Variants in PDGFC observed in about 807,000 individuals in gnomAD.
The protein encoded by PDGFC is platelet derived growth factor C.
A neutral mutation model predicts 35.5 loss-of-function variants in PDGFC; 12 were observed. The ratio of observed to expected loss-of-function variants is 0.34; its 90% CI spans 0.22 to 0.55. The LOEUF (loss-of-function observed/expected upper bound fraction) is 0.55. PDGFC is among the 20% of genes least tolerant of loss of function. The pLI is 0.91. For synonymous variants in PDGFC, 159 were observed against 148.8 expected, an observed-to-expected ratio of 1.07 and a Z score of -0.50; for missense variants, 322 against 412.4, an observed-to-expected ratio of 0.78 and a Z score of 1.90.
intron 2 of PDGFC, among the ~76,000 whole-genome samples, chr4:156,834,347 T>G (rs1729013412): frequency 6.6e-6 from 1 of 152,156 alleles, no homozygotes; most frequent in African/African-American, 2.4e-5. Flanking sequence ...CAAAGTACAC[T>G]AAGATAACAT....
intron 1 of PDGFC, among the ~76,000 whole-genome samples, chr4:156,895,431 A>G (rs1417747839): frequency 2.0e-5 from 3 of 152,072 alleles, no homozygotes; most frequent in East Asian, 1.9e-4. Context: ...TCAGGAGTTC[A>G]AGATCAGCCT....
intron 1 of PDGFC, among the ~76,000 whole-genome samples, chr4:156,930,301 A>C (rs1372793230): frequency 6.6e-6 from 1 of 152,216 alleles, no homozygotes; most frequent in African/African-American, 2.4e-5. Flanking sequence ...GAGCATGTGC[A>C]AAATCAGGCA....
intron 1 of PDGFC, among the ~76,000 whole-genome samples, chr4:156,895,624 T>C (rs1730615994): frequency 6.6e-6 from 1 of 150,394 alleles, no homozygotes; most frequent in Non-Finnish European, 1.5e-5. Flanking sequence ...AGAGCAAGAC[T>C]CTGTCTCAGA....
At chr4:156,909,083 T>C (rs1288597665) in intron 1 of PDGFC, among the ~76,000 whole-genome samples, 1 of 152,174 alleles carries the variant, frequency 6.6e-6, no homozygotes, top group Non-Finnish European at 1.5e-5. Flanking sequence ...TATGGGGGAA[T>C]AAATACCAGC....
At position 156,874,422 on chromosome 4, in the gene PDGFC, C is replaced by T. The variant is rs150257644; in HGVS notation, c.119-24006G>A. Among the ~76,000 whole-genome samples the T allele has an allele frequency of 3.0e-3, 450 of 152,118 alleles. 3 individuals carry two copies. The highest frequency in any genetic ancestry group is 0.01 in the African/African-American group (434 of 41,522). On this transcript the variant is annotated intron_variant, in intron 1 of 5. Transcript: ENST00000502773. The stretch of plus-strand genomic sequence containing the variant: ...CAACTTAAGCCTCTCCTTTGAGAGG[C>T]TTAAGTATAAAGTGATTTCTAAGAT...
chr4:156,871,062 T>G (rs1473941914), intron 1 of PDGFC, among the ~76,000 whole-genome samples: 1 of 152,072 alleles, frequency 6.6e-6, no homozygotes, highest in East Asian at 1.9e-4. Flanking sequence ...TAGAGTCTGG[T>G]GCAGGAAAAA....
intron 1 of PDGFC, among the ~76,000 whole-genome samples, chr4:156,969,218 C>A (rs1353147596): frequency 6.6e-6 from 1 of 152,178 alleles, no homozygotes; most frequent in Non-Finnish European, 1.5e-5. Context: ...ATATTTTGAA[C>A]TGGACATTTA....
At chr4:156,878,863 A>G (rs1206026026) in intron 1 of PDGFC, among the ~76,000 whole-genome samples, 2 of 152,180 alleles carry the variant, frequency 1.3e-5, no homozygotes, top group Non-Finnish European at 2.9e-5. Context: ...TTTAGAGAAC[A>G]ATGACTTTTA....
Position 156,889,717 on chromosome 4 carries a change from G to A in PDGFC, c.119-39301C>T, listed in dbSNP as rs73856780. On this transcript the variant is annotated intron_variant, in intron 1 of 5. Coordinates refer to ENST00000502773, the MANE Select transcript of PDGFC (RefSeq NM_016205.3). ...AAACTCCAAAACTAAAAGGAGATCT[G>A]AAGCTAACAGGCATTGTTTTGGTTT... Among the ~76,000 whole-genome samples the A allele has an allele frequency of 7.8e-3, 1,184 of 152,320 alleles. 9 individuals carry two copies. The highest frequency in any genetic ancestry group is 0.027 in the African/African-American group (1,111 of 41,570).
At chr4:156,960,256 A>ATATATACATATATATATATG (rs1732311139) in intron 1 of PDGFC, among the ~76,000 whole-genome samples, 3 of 147,020 alleles carry the variant, frequency 2.0e-5, no homozygotes, top group African/African-American at 7.5e-5. Context: ...TAACTGTTAT[A>ATATATACATATATATATATG]TATATATATA....
chr4:156,907,658 G>T (rs1433299166), intron 1 of PDGFC, among the ~76,000 whole-genome samples: 1 of 152,120 alleles, frequency 6.6e-6, no homozygotes, highest in African/African-American at 2.4e-5. Context: ...CTCTGGGTGT[G>T]GGCATCTCAA....
At chr4:156,809,974 C>G (rs1372107989) in intron 3 of PDGFC, among the ~76,000 whole-genome samples, 1 of 151,776 alleles carries the variant, frequency 6.6e-6, no homozygotes, top group Non-Finnish European at 1.5e-5. Flanking sequence ...AAATATTTCA[C>G]TTTGTGAAAG....
chr4:156,853,501 TC>T lies in PDGFC; in HGVS notation c.119-3086del, dbSNP rs1729502160. On this transcript the variant is annotated intron_variant, in intron 1 of 5. Transcript: ENST00000502773. ...GTAAGCACCCTATACAGAACATGTT[TC>T]CTCTTAATAGATGCTAATATTTGAT... Among the ~76,000 whole-genome samples, 5 of 152,326 alleles carry T rather than the reference TC, an allele frequency of 3.3e-5. No homozygotes were observed. The South Asian group carries it at 1.0e-3, about 32-fold the overall frequency.
chr4:156,841,961 T>C (rs1034712458), intron 2 of PDGFC: 1 of 152,218 alleles, frequency 6.6e-6, no homozygotes. Context: ...TATTTTATTA[T>C]GGCATATCTC....
At chr4:156,871,672 C>T (rs1237288341) in intron 1 of PDGFC, among the ~76,000 whole-genome samples, 4 of 151,968 alleles carry the variant, frequency 2.6e-5, no homozygotes, top group African/African-American at 7.2e-5. Flanking sequence ...ATTAAGAAGA[C>T]TATATTGCTT....
At chr4:156,795,648 A>C (rs1275267183) in intron 3 of PDGFC, among the ~76,000 whole-genome samples, 1 of 152,230 alleles carries the variant, frequency 6.6e-6, no homozygotes, top group African/African-American at 2.4e-5. Context: ...ATGAATTCTA[A>C]AATTAAGAAA....
chr4:156,910,173 C>G (rs1560868804), intron 1 of PDGFC, among the ~76,000 whole-genome samples: 2 of 152,086 alleles, frequency 1.3e-5, no homozygotes. Context: ...TTTGTTACCA[C>G]AGCCCTAGAA....
chr4:156,914,540 A>T (rs542969789), intron 1 of PDGFC, among the ~76,000 whole-genome samples: 15 of 152,292 alleles, frequency 9.8e-5, no homozygotes, highest in Non-Finnish European at 1.8e-4. Context: ...GTTATCACTG[A>T]TCCCTTAACT....
intron 1 of PDGFC, among the ~76,000 whole-genome samples, chr4:156,859,898 A>T (rs1362941855): frequency 6.6e-6 from 1 of 152,136 alleles, no homozygotes; most frequent in Non-Finnish European, 1.5e-5. Context: ...CTATAAAAAA[A>T]AAGAGTGAAA....
Sources: allele counts gnomAD v4.1 joint callset (sites outside exome capture counted in the v4.1 genomes callset), GRCh38; gene constraint gnomAD v4.1.1; transcripts MANE v1.5; gene names NCBI Gene and HGNC (gene_info 2026-07-23, HGNC 2026-07-21).